Variants in TENM2 observed in about 807,000 individuals in gnomAD.
The protein encoded by TENM2 is teneurin transmembrane protein 2.
A neutral mutation model predicts 245.2 loss-of-function variants in TENM2; 52 were observed. That is an observed-to-expected ratio of 0.21 (90% CI 0.17 to 0.27). The LOEUF (loss-of-function observed/expected upper bound fraction) is 0.27. TENM2 is among the 10% of genes least tolerant of loss of function. TENM2 has a pLI of 1.00. For synonymous variants in TENM2, 1,363 were observed against 1,438.9 expected (o/e 0.95, Z 1.19); for missense variants, 3,046 against 3,666.8 (o/e 0.83, Z 4.37).
At chr5:167,924,866 A>G (rs996437735) in intron 3 of TENM2, among the ~76,000 whole-genome samples, 5 of 152,220 alleles carry the variant, frequency 3.3e-5, no homozygotes, top group African/African-American at 1.2e-4. Context: ...CAGAATGCCT[A>G]AGATTACAAA....
intron 25 of TENM2, among the ~76,000 whole-genome samples, chr5:168,230,706 A>G (rs978409979): frequency 3.3e-5 from 5 of 152,194 alleles, no homozygotes; most frequent in African/African-American, 1.2e-4. Context: ...AAGTTCATTT[A>G]TTCAAAAGAT....
intron 2 of TENM2, among the ~76,000 whole-genome samples, chr5:167,512,534 A>C (rs902740202): frequency 6.6e-6 from 1 of 152,222 alleles, no homozygotes; most frequent in Non-Finnish European, 1.5e-5. Context: ...TAATGAATTT[A>C]TAGCATGGTG....
At chr5:168,084,603 A>G (rs569131749) in intron 7 of TENM2, among the ~76,000 whole-genome samples, 1 of 152,356 alleles carries the variant, frequency 6.6e-6, no homozygotes, top group East Asian at 1.9e-4. Flanking sequence ...AGGAGAAAGA[A>G]TAGGCCAGGC....
intron 7 of TENM2, among the ~76,000 whole-genome samples, chr5:168,067,238 T>C (rs1790587819): frequency 1.3e-5 from 2 of 152,144 alleles, no homozygotes; most frequent in African/African-American, 4.8e-5. Context: ...AAAGAGATTC[T>C]AGGGATTGAA....
the TENM2 span, among the ~76,000 whole-genome samples, chr5:167,081,148 A>T: frequency 0.051 from 7,808 of 151,798 alleles, 199 homozygotes; most frequent in East Asian, 0.095. Flanking sequence ...CAAGCAGAAG[A>T]TGGTGCTATT....
At chr5:167,406,066 T>C (rs947914435) in intron 2 of TENM2, among the ~76,000 whole-genome samples, 1 of 152,096 alleles carries the variant, frequency 6.6e-6, no homozygotes, top group Non-Finnish European at 1.5e-5. Context: ...ACTGAGAGTT[T>C]CTCTAGTAAT....
chr5:167,864,715 C>A (rs754254397), intron 2 of TENM2, among the ~76,000 whole-genome samples: 2 of 152,208 alleles, frequency 1.3e-5, no homozygotes, highest in Non-Finnish European at 2.9e-5. Flanking sequence ...TTCTTCCCAA[C>A]GAACTTATCC....
At chr5:166,992,647 A>C in the TENM2 span, among the ~76,000 whole-genome samples, 1 of 152,158 alleles carries the variant, frequency 6.6e-6, no homozygotes, top group African/African-American at 2.4e-5. Context: ...CTTTCTTCTC[A>C]ATCTAAAATG....
At chr5:168,175,565 AG>A (rs147750946) in intron 13 of TENM2, among the ~76,000 whole-genome samples, 1,575 of 152,322 alleles carry the variant, frequency 0.01, 34 homozygotes, top group African/African-American at 0.035. Flanking sequence ...AAAGAAGCTG[AG>A]GGCCTAGAGG....
the TENM2 span, among the ~76,000 whole-genome samples, chr5:167,260,077 T>C: frequency 3.3e-5 from 5 of 152,200 alleles, no homozygotes; most frequent in Non-Finnish European, 5.9e-5. Context: ...AATAAAATCC[T>C]GGTCAGTTTA....
chr5:167,278,933 A>G, the TENM2 span, among the ~76,000 whole-genome samples: 4 of 152,178 alleles, frequency 2.6e-5, no homozygotes, highest in Non-Finnish European at 5.9e-5. Context: ...TATTTAGAGA[A>G]CTAACTCTTT....
chr5:168,078,346 T>A (rs1791667600), intron 7 of TENM2, among the ~76,000 whole-genome samples: 1 of 152,226 alleles, frequency 6.6e-6, no homozygotes, highest in Non-Finnish European at 1.5e-5. Context: ...TTCAGATGGG[T>A]AGACTGTAAA....
At chr5:167,887,287 G>A (rs1363750285) in intron 3 of TENM2, among the ~76,000 whole-genome samples, 1 of 152,212 alleles carries the variant, frequency 6.6e-6, no homozygotes, top group Non-Finnish European at 1.5e-5. Context: ...AAAGACAAGG[G>A]TCATTTCTTT....
At chr5:167,331,184 C>T (rs1198277986) in intron 1 of TENM2, among the ~76,000 whole-genome samples, 8 of 135,094 alleles carry the variant, frequency 5.9e-5, no homozygotes, top group Non-Finnish European at 1.2e-4. Context: ...TGCAGTGAGC[C>T]GAGATCATGC....
chr5:167,253,267 T>TC, the TENM2 span, among the ~76,000 whole-genome samples: 1 of 150,662 alleles, frequency 6.6e-6, no homozygotes, highest in Non-Finnish European at 1.5e-5. Flanking sequence ...TTTTTTTTTT[T>TC]TTTAATTTTT....
At chr5:167,367,135 C>T (rs1193670915) in intron 1 of TENM2, among the ~76,000 whole-genome samples, 2 of 152,110 alleles carry the variant, frequency 1.3e-5, no homozygotes, top group Non-Finnish European at 2.9e-5. Context: ...TATAAGCTTA[C>T]AGGAAAACCT....
chr5:167,875,949 C>T, intron 2 of TENM2, 37 bp from the exon 5 acceptor site: 1 of 1,439,956 alleles, frequency 6.9e-7, no homozygotes, highest in Non-Finnish European at 9.5e-7. Flanking sequence ...TCGTGACACT[C>T]ATTGCTGACC....
In TENM2 at chr5:167,517,886, G is replaced by A. The variant is rs377651875; in HGVS notation, c.502+142413G>A. ...GTCGAGAGAGAGTCAGATCTTCCCC[G>A]TTCAAAAGCATTCAGCAGGGGCCGG... On this transcript the variant is annotated intron_variant, in intron 2 of 28. Coordinates refer to ENST00000518659, the Ensembl canonical transcript of TENM2. Among the ~76,000 whole-genome samples the A allele has an allele frequency of 5.3e-5, 8 of 151,958 alleles. 1 individual carries two copies. The highest frequency in any genetic ancestry group is 7.4e-5 in the Non-Finnish European group (5 of 67,946).
intron 2 of TENM2, among the ~76,000 whole-genome samples, chr5:167,791,797 A>G (rs192333472): frequency 2.0e-5 from 3 of 152,066 alleles, no homozygotes; most frequent in African/African-American, 7.2e-5. Context: ...TAGATTTCCA[A>G]TTGCTCTTGA....
Sources: gnomAD v4.1 joint callset for allele counts (sites outside exome capture counted in the v4.1 genomes callset) on GRCh38, gnomAD v4.1.1 for gene constraint, MANE v1.5 for transcripts, NCBI Gene and HGNC (gene_info 2026-07-23, HGNC 2026-07-21) for gene names.